Variants in SORCS2 observed in about 807,000 individuals in gnomAD.
The protein encoded by SORCS2 is VPS10 domain-containing receptor SorCS2.
Under a neutral mutation model 141.6 loss-of-function variants are expected in SORCS2, and 100 were observed. The ratio of observed to expected loss-of-function variants is 0.71; its 90% CI spans 0.60 to 0.83. The LOEUF (loss-of-function observed/expected upper bound fraction) is 0.83, where lower values mean the gene tolerates loss of function less well. Ranked by LOEUF, SORCS2 falls within the 40% of genes least tolerant of loss-of-function variation. SORCS2 has a pLI of 0.00. For missense variants in SORCS2, 1,646 were observed against 1,560.2 expected, an observed-to-expected ratio of 1.05 and a Z score of -0.93; for synonymous variants, 789 against 676.9, an observed-to-expected ratio of 1.17 and a Z score of -2.57.
chr4:7,737,983 G>C (rs571059324), intron 26 of SORCS2, among the ~76,000 whole-genome samples: 1 of 152,202 alleles, frequency 6.6e-6, no homozygotes, highest in African/African-American at 2.4e-5. Flanking sequence ...CCAGCATGGC[G>C]GCTGACTTCC....
At chr4:7,635,569 G>C (rs1436124846) in intron 3 of SORCS2, among the ~76,000 whole-genome samples, 1 of 152,164 alleles carries the variant, frequency 6.6e-6, no homozygotes, top group Non-Finnish European at 1.5e-5. Flanking sequence ...CGCCGTGTCA[G>C]CGTGGTATGT....
intron 4 of SORCS2, among the ~76,000 whole-genome samples, chr4:7,641,601 G>C (rs760039266): frequency 6.6e-6 from 1 of 152,230 alleles, no homozygotes; most frequent in Non-Finnish European, 1.5e-5. Context: ...ATTGGGGTAA[G>C]CTCTTTGAGG....
At chr4:7,549,152 G>A (rs1713492192) in intron 3 of SORCS2, among the ~76,000 whole-genome samples, 1 of 152,196 alleles carries the variant, frequency 6.6e-6, no homozygotes, top group Non-Finnish European at 1.5e-5. Context: ...TGCATCCACA[G>A]AGGAGCCCAG....
intron 1 of SORCS2, among the ~76,000 whole-genome samples, chr4:7,318,377 A>T (rs1391118478): frequency 6.6e-6 from 1 of 152,158 alleles, no homozygotes; most frequent in African/African-American, 2.4e-5. Flanking sequence ...ACCATACTGG[A>T]TGCCAGATAC....
At chr4:7,457,059 C>A (rs757679207) in intron 2 of SORCS2, among the ~76,000 whole-genome samples, 1 of 152,162 alleles carries the variant, frequency 6.6e-6, no homozygotes, top group African/African-American at 2.4e-5. Flanking sequence ...TGCTCCTTGA[C>A]ATTCCAGAAT....
At chr4:7,301,810 A>G (rs1717451600) in intron 1 of SORCS2, among the ~76,000 whole-genome samples, 1 of 152,210 alleles carries the variant, frequency 6.6e-6, no homozygotes, top group Non-Finnish European at 1.5e-5. Flanking sequence ...TTTCTGGATT[A>G]CATTCTCCTG....
At chr4:7,305,902 T>G (rs539803322) in intron 1 of SORCS2, among the ~76,000 whole-genome samples, 1 of 152,096 alleles carries the variant, frequency 6.6e-6, no homozygotes, top group South Asian at 2.1e-4. Context: ...GGACAAACAC[T>G]TATGGGTGCA....
chr4:7,717,691 A>G (rs982627923), intron 17 of SORCS2, among the ~76,000 whole-genome samples: 1 of 151,816 alleles, frequency 6.6e-6, no homozygotes, highest in East Asian at 1.9e-4. Flanking sequence ...GGCTGCTTAA[A>G]CAGCCCCTCT....
intron 3 of SORCS2, among the ~76,000 whole-genome samples, chr4:7,555,388 G>A (rs1714032939): frequency 6.6e-6 from 1 of 152,222 alleles, no homozygotes; most frequent in Non-Finnish European, 1.5e-5. Context: ...CTACCCACCT[G>A]TGTGAGCCCA....
At chr4:7,591,122 G>A (rs754154249) in intron 3 of SORCS2, among the ~76,000 whole-genome samples, 3 of 152,164 alleles carry the variant, frequency 2.0e-5, no homozygotes, top group East Asian at 3.9e-4. Context: ...CCGGGCCAGC[G>A]CGTGCATCCT....
At chr4:7,341,399 C>T (rs997437158) in intron 1 of SORCS2, among the ~76,000 whole-genome samples, 1 of 152,220 alleles carries the variant, frequency 6.6e-6, no homozygotes, top group South Asian at 2.1e-4. Flanking sequence ...AGCCCTGAAC[C>T]CTGCGGGGCT....
intron 2 of SORCS2, among the ~76,000 whole-genome samples, chr4:7,485,697 G>A (rs1167974670): frequency 1.3e-5 from 2 of 152,254 alleles, no homozygotes; most frequent in South Asian, 2.1e-4. Flanking sequence ...CTGAGGCTCA[G>A]GCCTGGCACC....
rs533843561 is a variant in SORCS2 at position 7,223,629 on chromosome 4, G to A, written c.480+30503G>A. Among the ~76,000 whole-genome samples the A allele has an allele frequency of 7.2e-5, 11 of 152,226 alleles. No homozygotes were observed. The South Asian group carries it at 1.7e-3, about 23-fold the overall frequency. On this transcript the variant is annotated intron_variant, in intron 1 of 26. Coordinates refer to ENST00000507866, the MANE Select transcript of SORCS2 (RefSeq NM_020777.3). ...TGGGGCGTGTACTCAGTGCCCATACGGATGTTCTCTAGACATGTCCACCAA... is the reference window on the plus strand; with the variant it reads ...TGGGGCGTGTACTCAGTGCCCATACAGATGTTCTCTAGACATGTCCACCAA...
At chr4:7,249,286 C>T (rs1713324536) in intron 1 of SORCS2, among the ~76,000 whole-genome samples, 2 of 152,128 alleles carry the variant, frequency 1.3e-5, no homozygotes, top group Non-Finnish European at 2.9e-5. Context: ...GCTGGTGTCA[C>T]TCTCTCTCCT....
At chr4:7,523,140 C>G (rs1039653295) in intron 2 of SORCS2, among the ~76,000 whole-genome samples, 1 of 142,852 alleles carries the variant, frequency 7.0e-6, no homozygotes, top group Non-Finnish European at 1.5e-5. Context: ...TCCTTCCAGA[C>G]AGGCTGAGTT....
At chr4:7,721,088 G>A (rs1461097616) in intron 18 of SORCS2, among the ~76,000 whole-genome samples, 2 of 152,246 alleles carry the variant, frequency 1.3e-5, no homozygotes, top group African/African-American at 4.8e-5. Flanking sequence ...AACCGCCCAG[G>A]TGCCCTGCAG....
chr4:7,296,808 A>G (rs2108890315), intron 1 of SORCS2, among the ~76,000 whole-genome samples: 1 of 152,198 alleles, frequency 6.6e-6, no homozygotes, highest in South Asian at 2.1e-4. Context: ...CCCAACACAC[A>G]TACACACACT....
At chr4:7,396,394 T>C in intron 2 of SORCS2, 39 bp downstream of exon 2, 1 of 1,603,606 alleles carries the variant, frequency 6.2e-7, no homozygotes, top group Non-Finnish European at 8.5e-7. Flanking sequence ...CTTATGCACC[T>C]GCGTGCCATC....
chr4:7,472,870 G>A (rs1049326198), intron 2 of SORCS2, among the ~76,000 whole-genome samples: 3 of 151,884 alleles, frequency 2.0e-5, no homozygotes, highest in South Asian at 2.1e-4. Context: ...CGCTCAGATG[G>A]TGAAGAAGAA....
Sources: gnomAD v4.1 joint callset for allele counts (sites outside exome capture counted in the v4.1 genomes callset) on GRCh38, gnomAD v4.1.1 for gene constraint, MANE v1.5 for transcripts, NCBI Gene and HGNC (gene_info 2026-07-23, HGNC 2026-07-21) for gene names.